Variants in C7orf78 observed in about 807,000 individuals in gnomAD.
C7orf78 encodes putative uncharacterized protein C7orf78.
chr7:12,501,170 C>G, the C7orf78 span, among the ~76,000 whole-genome samples: 1 of 134,282 alleles, frequency 7.4e-6, no homozygotes, highest in East Asian at 2.1e-4. Flanking sequence ...AAAACTGGCA[C>G]AAGACAGGGA....
chr7:12,524,012 T>C, the C7orf78 span, among the ~76,000 whole-genome samples: 16 of 152,140 alleles, frequency 1.1e-4, no homozygotes, highest in Non-Finnish European at 1.8e-4. Context: ...ATTTAGAACA[T>C]AAATGTGACT....
chr7:12,490,626 G>C, the C7orf78 span, among the ~76,000 whole-genome samples: 1 of 152,164 alleles, frequency 6.6e-6, no homozygotes, highest in Admixed American at 6.5e-5. Context: ...GTGTGCCGGG[G>C]AAAGAGCTAT....
chr7:12,524,312 C>T, the C7orf78 span, among the ~76,000 whole-genome samples: 7 of 152,024 alleles, frequency 4.6e-5, no homozygotes, highest in African/African-American at 1.2e-4. Flanking sequence ...TTGAGGTATT[C>T]GATGAATGTT....
chr7:12,525,094 C>T, the C7orf78 span, among the ~76,000 whole-genome samples: 1 of 152,034 alleles, frequency 6.6e-6, no homozygotes, highest in Non-Finnish European at 1.5e-5. Context: ...AGAGAATCTC[C>T]TTCTTTGGAA....
At chr7:12,499,215 A>G in the C7orf78 span, among the ~76,000 whole-genome samples, 1 of 152,012 alleles carries the variant, frequency 6.6e-6, no homozygotes, top group Admixed American at 6.6e-5. Context: ...TAATGACAGG[A>G]TCAAATTCAC....
the C7orf78 span, among the ~76,000 whole-genome samples, chr7:12,515,412 G>A: frequency 1.3e-5 from 2 of 152,188 alleles, no homozygotes; most frequent in Non-Finnish European, 2.9e-5. Context: ...GGAACTGTAA[G>A]TCCAATTAAA....
chr7:12,493,515 A>G, the C7orf78 span, among the ~76,000 whole-genome samples: 1 of 152,142 alleles, frequency 6.6e-6, no homozygotes. Flanking sequence ...CAGGTTTGAG[A>G]TAGGGCCTAA....
the C7orf78 span, among the ~76,000 whole-genome samples, chr7:12,501,756 A>T: frequency 4.0e-3 from 593 of 148,360 alleles, 3 homozygotes; most frequent in Non-Finnish European, 7.2e-3. Flanking sequence ...GGAACCAAAA[A>T]AGAGCCCACA....
chr7:12,499,396 A>C, the C7orf78 span, among the ~76,000 whole-genome samples: 2 of 150,502 alleles, frequency 1.3e-5, no homozygotes, highest in East Asian at 1.9e-4. Flanking sequence ...TCTACCAAGC[A>C]AATGGAAAAC....
chr7:12,519,764 C>A, the C7orf78 span, among the ~76,000 whole-genome samples: 1 of 152,182 alleles, frequency 6.6e-6, no homozygotes, highest in African/African-American at 2.4e-5. Flanking sequence ...GGACCCCAAG[C>A]ATCTTTGGGC....
chr7:12,526,297 T>C, the C7orf78 span, among the ~76,000 whole-genome samples: 2,953 of 152,190 alleles, frequency 0.019, 35 homozygotes, highest in South Asian at 0.029. Context: ...AGAATTACTG[T>C]GAGCATTAAA....
the C7orf78 span, chr7:12,528,973 T>G: frequency 5.0e-6 from 2 of 398,410 alleles, no homozygotes; most frequent in African/African-American, 4.1e-5. Flanking sequence ...CCACAAGCAT[T>G]GTGAATGCAC....
At chr7:12,499,158 A>G in the C7orf78 span, among the ~76,000 whole-genome samples, 1 of 152,210 alleles carries the variant, frequency 6.6e-6, no homozygotes, top group African/African-American at 2.4e-5. Context: ...CATAGAGACT[A>G]GGAAGAAACT....
chr7:12,498,782 T>C, the C7orf78 span, among the ~76,000 whole-genome samples: 1 of 148,762 alleles, frequency 6.7e-6, no homozygotes, highest in African/African-American at 2.5e-5. Flanking sequence ...CACATAATTG[T>C]CAGATTCACC....
chr7:12,487,852 T>C, the C7orf78 span, among the ~76,000 whole-genome samples: 1 of 152,118 alleles, frequency 6.6e-6, no homozygotes, highest in Non-Finnish European at 1.5e-5. Flanking sequence ...AATTTTTAAA[T>C]ACTTGTGCAG....
the C7orf78 span, chr7:12,504,666 A>G: frequency 6.6e-6 from 1 of 152,176 alleles, no homozygotes; most frequent in Non-Finnish European, 1.5e-5. Flanking sequence ...GTTAAGGTAT[A>G]TAAGATGAAT....
At chr7:12,535,188 C>A in the C7orf78 span, among the ~76,000 whole-genome samples, 1 of 152,174 alleles carries the variant, frequency 6.6e-6, no homozygotes, top group South Asian at 2.1e-4. Context: ...GTTTATTCAT[C>A]CATTTTCATG....
chr7:12,498,454 C>A, the C7orf78 span, among the ~76,000 whole-genome samples: 4 of 150,784 alleles, frequency 2.7e-5, no homozygotes, highest in African/African-American at 9.7e-5. Context: ...CCTCAGGAGC[C>A]GATGCGATCA....
At chr7:12,520,894 T>C in the C7orf78 span, among the ~76,000 whole-genome samples, 6 of 152,206 alleles carry the variant, frequency 3.9e-5, no homozygotes, top group East Asian at 1.2e-3. Context: ...TTTTATATAT[T>C]TGGGTGCTGG....
Sources: gnomAD v4.1 joint callset for allele counts (sites outside exome capture counted in the v4.1 genomes callset) on GRCh38, gnomAD v4.1.1 for gene constraint, MANE v1.5 for transcripts, NCBI Gene and HGNC (gene_info 2026-07-23, HGNC 2026-07-21) for gene names.